CECR2: variants seen among roughly 807,000 people sequenced by gnomAD.
The protein encoded by CECR2 is chromatin remodeling regulator CECR2.
In CECR2, 30 loss-of-function variants were observed where a neutral mutation model predicts 154.5. The observed-to-expected ratio is 0.19, with a 90% CI of 0.15 to 0.26. The LOEUF (loss-of-function observed/expected upper bound fraction) is 0.26, where lower values mean the gene tolerates loss of function less well. Among genes scored for constraint, CECR2 ranks in the 10% least tolerant of loss-of-function variants. The pLI is 1.00. For synonymous variants in CECR2, 725 were observed against 683.7 expected (o/e 1.06, Z -0.94); for missense variants, 1,743 against 1,829.3 (o/e 0.95, Z 0.86).
chr22:17,367,946 G>T (rs2063011376), upstream of CECR2, among the ~76,000 whole-genome samples: 1 of 152,182 alleles, frequency 6.6e-6, no homozygotes, highest in Non-Finnish European at 1.5e-5. Context: ...GGTAGAATTT[G>T]AGGATGCACT....
chr22:17,550,308 TG>T, intron 17 of CECR2: 1 of 188,224 alleles, frequency 5.3e-6, no homozygotes, highest in Admixed American at 5.9e-5. Flanking sequence ...CCACCACACC[TG>T]GCTGAGTTTT....
chr22:17,469,731 C>T (rs987919618), intron 1 of CECR2, among the ~76,000 whole-genome samples: 1 of 152,108 alleles, frequency 6.6e-6, no homozygotes, highest in African/African-American at 2.4e-5. Flanking sequence ...TTCATTCACA[C>T]GTTCACCTTA....
intron 1 of CECR2, among the ~76,000 whole-genome samples, chr22:17,471,499 A>G (rs889657905): frequency 1.3e-5 from 2 of 152,030 alleles, no homozygotes; most frequent in Non-Finnish European, 2.9e-5. Context: ...AATTGTTAAT[A>G]TGAGTGTGGG....
At chr22:17,378,319 C>T (rs920916616) in intron 1 of CECR2, among the ~76,000 whole-genome samples, 1 of 148,358 alleles carries the variant, frequency 6.7e-6, no homozygotes, top group Non-Finnish European at 1.5e-5. Context: ...TTTTGGGAGA[C>T]GGAGTTTTGC....
intron 2 of CECR2, among the ~76,000 whole-genome samples, chr22:17,491,484 TTTG>T (rs1270323563): frequency 6.6e-6 from 1 of 151,610 alleles, no homozygotes; most frequent in Non-Finnish European, 1.5e-5. Flanking sequence ...TTTTTGTTCC[TTTG>T]TTGGTCCTTT....
intron 1 of CECR2, among the ~76,000 whole-genome samples, chr22:17,376,492 C>T (rs112948149): frequency 3.6e-5 from 4 of 112,322 alleles, no homozygotes; most frequent in African/African-American, 1.0e-4. Flanking sequence ...TGCTGGGGCT[C>T]GCACAATGCA....
intron 1 of CECR2, among the ~76,000 whole-genome samples, chr22:17,440,208 T>A (rs2054563984): frequency 8.9e-6 from 1 of 112,790 alleles, no homozygotes; most frequent in African/African-American, 3.6e-5. Flanking sequence ...TATATAAAAC[T>A]GTGTGTGTGT....
chr22:17,478,349 C>CA (rs1256576425), intron 2 of CECR2, among the ~76,000 whole-genome samples: 1 of 132,900 alleles, frequency 7.5e-6, no homozygotes, highest in South Asian at 2.6e-4. Context: ...AAAATGGTAT[C>CA]AAATTTTTTT....
rs1443818787 is a variant in CECR2, at chr22:17,548,538, G to A, written c.3251G>A (p.Gly1084Asp). Residue 1084 changes from glycine (G) to aspartate (D), a missense_variant, in exon 17 of 19, where the codon GGC (glycine) becomes GAC (aspartate). Around this residue, in one of 4 missense-constraint regions of CECR2, gnomAD observed 1,250 missense variants for 1,192.1 expected, o/e 1.05. Coordinates refer to ENST00000262608, the MANE Select transcript of CECR2 (RefSeq NM_001290047.2). ...SGSEKLLCPR[G>D]RTLQETMPCT... is the part of the protein sequence containing the mutation. ...TCCGAAAAGCTGCTCTGCCCCAGAG[G>A]CAGAACGTTGCAGGAAACCATGCCA... is the stretch of plus-strand genomic sequence containing the variant. 1 of 1,613,742 alleles carries A rather than the reference G, an allele frequency of 6.2e-7. No individual in the cohort carries two copies. The highest frequency in any genetic ancestry group is 2.2e-5 in the East Asian group (1 of 44,866).
chr22:17,522,657 A>G (rs1569139626), intron 8 of CECR2, among the ~76,000 whole-genome samples: 1 of 151,828 alleles, frequency 6.6e-6, no homozygotes. Context: ...TTACCTGTAA[A>G]CTCTTCTAAA....
chr22:17,518,890 CA>C (rs1730202431), intron 8 of CECR2: 3 of 240,138 alleles, frequency 1.2e-5, no homozygotes, highest in East Asian at 1.1e-4. Flanking sequence ...CCTTCTCCCC[CA>C]AAAAAACTTA....
At chr22:17,450,265 A>G (rs1042764669) in intron 1 of CECR2, among the ~76,000 whole-genome samples, 1 of 152,116 alleles carries the variant, frequency 6.6e-6, no homozygotes. Context: ...GGAAAAAGTA[A>G]TATATTAACT....
rs376318204 is a variant in CECR2 at position 17,542,348 on chromosome 22, T to G, written c.2205T>G (p.Pro735=). ...CTCAGTTCCAGCCAGGATTCATTCC[T>G]CCCCGGCATGGGGGGGCTCCAGCCC... ...APAQFQPGFI[P]PRHGGAPARP... The change falls in exon 16 of 19, where the codon CCT becomes CCG. Residue 735 remains proline (P), a synonymous_variant. Transcript: ENST00000262608. 1.9e-5 allele frequency: 30 copies of G among 1,613,718 alleles called. No homozygotes were observed. Among genetic ancestry groups the G allele is most frequent in the Admixed American group, 8.3e-5 (5 of 60,018 alleles).
intron 17 of CECR2, among the ~76,000 whole-genome samples, chr22:17,551,206 T>A (rs2268779): frequency 0.074 from 11,270 of 152,266 alleles, 537 homozygotes; most frequent in African/African-American, 0.13. Flanking sequence ...TGGACATGCC[T>A]TGGAGCACCA....
intron 13 of CECR2, among the ~76,000 whole-genome samples, chr22:17,539,628 C>G (rs1404390509): frequency 6.6e-6 from 1 of 151,936 alleles, no homozygotes; most frequent in Admixed American, 6.6e-5. Flanking sequence ...AACAAACCTG[C>G]ACGTTGTGCA....
intron 1 of CECR2, among the ~76,000 whole-genome samples, chr22:17,422,896 C>T (rs887572537): frequency 3.9e-5 from 6 of 152,124 alleles, no homozygotes; most frequent in Admixed American, 2.6e-4. Context: ...GCTCATGCTG[C>T]CCACCTGTTC....
intron 1 of CECR2, among the ~76,000 whole-genome samples, chr22:17,422,593 T>C (rs1011735759): frequency 6.6e-6 from 1 of 152,208 alleles, no homozygotes. Context: ...CAGTCATTGT[T>C]GTTTTAAATA....
At chr22:17,480,459 C>CAGAGAG (rs1555915343) in intron 2 of CECR2, among the ~76,000 whole-genome samples, 14 of 143,738 alleles carry the variant, frequency 9.7e-5, no homozygotes, top group South Asian at 4.4e-4. Context: ...CACACACACA[C>CAGAGAG]AGAGAAAAGT....
At chr22:17,552,535 C>G (rs780120486) in intron 18 of CECR2, among the ~76,000 whole-genome samples, 1 of 151,994 alleles carries the variant, frequency 6.6e-6, no homozygotes, top group Non-Finnish European at 1.5e-5. Context: ...TGCGTTGTCT[C>G]GTGCAGTGCT....
Sources: gnomAD v4.1 joint callset for allele counts (sites outside exome capture counted in the v4.1 genomes callset) on GRCh38, gnomAD v4.1.1 for gene constraint, gnomAD v4.1.1 regional missense constraint, MANE v1.5 for transcripts, NCBI Gene and HGNC (gene_info 2026-07-23, HGNC 2026-07-21) for gene names.